ZNF717: variants seen among roughly 807,000 people sequenced by gnomAD.
ZNF717 encodes the protein zinc finger protein 717.
A neutral mutation model predicts 13.8 loss-of-function variants in ZNF717; 9 were observed. The observed-to-expected ratio is 0.65, with a 90% CI of 0.39 to 1.14. ZNF717 has a LOEUF of 1.14. Ranked by LOEUF, ZNF717 falls within the 50% of genes most tolerant of loss-of-function variation. The pLI, the probability that ZNF717 is intolerant of heterozygous loss-of-function variation, is 0.01. For synonymous variants in ZNF717, 327 were observed against 364.1 expected, an observed-to-expected ratio of 0.90 and a Z score of 1.16; for missense variants, 1,040 against 1,080.7, an observed-to-expected ratio of 0.96 and a Z score of 0.53.
chr3:75,782,130 T>A (rs58994993), intron 2 of ZNF717, among the ~76,000 whole-genome samples: 14,174 of 152,198 alleles, frequency 0.093, 1,130 homozygotes, highest in African/African-American at 0.2. Context: ...GTTTCAACTA[T>A]GGTAGAAGAC....
chr3:75,772,492 G>A (rs1012641868), intron 2 of ZNF717, among the ~76,000 whole-genome samples: 1 of 152,204 alleles, frequency 6.6e-6, no homozygotes, highest in African/African-American at 2.4e-5. Flanking sequence ...TGCAGTTCCT[G>A]CATCTCCAAG....
rs1372153221 is a variant in ZNF717 at position 75,739,340 on chromosome 3, G to A, written c.283C>T (p.Gln95Ter). 6.9e-7 allele frequency: 1 copy of A among 1,457,872 alleles called. No homozygotes were observed. 90.3% of individuals were successfully genotyped at this position (1,457,872 alleles called of 1,614,324 possible). Reference protein sequence around the residue: ...ETPNLRLSAVQIIDDLIERSH... With the variant: ...ETPNLRLSAV The stretch of plus-strand genomic sequence containing the variant: ...CTTTCAATAAGGTCATCAATGATCT[G>A]GACAGCTGAAATGAGAAAAAAGGTA... The change falls in exon 5 of 5, where the codon CAG (glutamine) becomes TAG (stop). Residue 95 changes from glutamine to a stop codon, truncating the protein, a stop_gained. Coordinates refer to ENST00000652011, the MANE Select transcript of ZNF717 (RefSeq NM_001290208.3). LOFTEE classifies it low-confidence loss of function (END_TRUNC).
intron 2 of ZNF717, among the ~76,000 whole-genome samples, chr3:75,745,217 T>C (rs1289993396): frequency 2.0e-5 from 3 of 151,438 alleles, no homozygotes; most frequent in Non-Finnish European, 4.4e-5. Context: ...TTAATTGACA[T>C]ATGACATTGC....
At chr3:75,700,546 A>G (rs571900164) in intron 6 of ZNF717, among the ~76,000 whole-genome samples, 4 of 152,426 alleles carry the variant, frequency 2.6e-5, no homozygotes, top group Admixed American at 2.6e-4. Flanking sequence ...TATACCACTA[A>G]GTTATGGTAA....
chr3:75,767,806 A>G (rs1353198002), intron 2 of ZNF717, among the ~76,000 whole-genome samples: 1 of 151,906 alleles, frequency 6.6e-6, no homozygotes, highest in Non-Finnish European at 1.5e-5. Context: ...CTAAAGAAGG[A>G]GGTTCAGTTT....
intron 6 of ZNF717, among the ~76,000 whole-genome samples, chr3:75,697,458 TC>T (rs1352950570): frequency 4.4e-4 from 66 of 151,272 alleles, no homozygotes; most frequent in Non-Finnish European, 6.7e-4. Context: ...GTAAGTGAGT[TC>T]CTATAAGATC....
chr3:75,758,997 G>A (rs1310286546), intron 2 of ZNF717, among the ~76,000 whole-genome samples: 1 of 152,196 alleles, frequency 6.6e-6, no homozygotes, highest in African/African-American at 2.4e-5. Flanking sequence ...AAAAAAGATT[G>A]CAGCTTGCTG....
chr3:75,745,720 G>C (rs1422963686), intron 2 of ZNF717, among the ~76,000 whole-genome samples: 4 of 151,570 alleles, frequency 2.6e-5, no homozygotes, highest in African/African-American at 9.7e-5. Flanking sequence ...TGATATATTT[G>C]TCTTTCTGCA....
intron 2 of ZNF717, among the ~76,000 whole-genome samples, chr3:75,766,754 AG>A (rs1218147254): frequency 2.6e-5 from 4 of 152,280 alleles, no homozygotes; most frequent in African/African-American, 7.2e-5. Flanking sequence ...TATTGAGAAA[AG>A]GTTCAAGCCT....
rs1436146927 is a variant in ZNF717 at position 75,738,696 on chromosome 3, T to G, written c.927A>C (p.Lys309Asn). 1 of 1,551,744 alleles carries G rather than the reference T, an allele frequency of 6.4e-7. No homozygotes were observed. Among genetic ancestry groups the G allele is most frequent in the South Asian group, 1.2e-5 (1 of 84,060 alleles). ...TTTCACACCAGTTACAGGCATAAGG[T>G]TTTTCCTCAGTAGGCATCTTGCACT... is the stretch of plus-strand genomic sequence containing the variant. The part of the protein sequence containing the change: ...MLQCKMPTEE[K>N]PYACNWCEKL... Residue 309 changes from lysine (K) to asparagine (N), a missense_variant, in exon 5 of 5, where the codon AAA (lysine) becomes AAC (asparagine). Lys to Asn is a moderately conservative substitution (Grantham distance 94). This residue lies in a region of ZNF717 where 873 missense variants were observed against 832.8 expected (regional missense o/e 1.05). Transcript: ENST00000652011.
At chr3:75,695,083 C>T (rs1319789984) in intron 6 of ZNF717, among the ~76,000 whole-genome samples, 16 of 152,174 alleles carry the variant, frequency 1.1e-4, no homozygotes, top group African/African-American at 3.6e-4. Context: ...CTGTGACCTA[C>T]AAAAAACATA....
At chr3:75,784,418 T>C (rs1945025449) in intron 1 of ZNF717, among the ~76,000 whole-genome samples, 1 of 152,212 alleles carries the variant, frequency 6.6e-6, no homozygotes, top group African/African-American at 2.4e-5. Context: ...AAGTCTTAAA[T>C]TACAAATCAA....
chr3:75,763,724 A>T (rs1226068737), intron 2 of ZNF717, among the ~76,000 whole-genome samples: 2 of 152,290 alleles, frequency 1.3e-5, no homozygotes, highest in East Asian at 3.8e-4. Context: ...GAGACATCAA[A>T]CTAAAATTAC....
At chr3:75,750,754 G>A (rs1310526294) in intron 2 of ZNF717, among the ~76,000 whole-genome samples, 1 of 150,638 alleles carries the variant, frequency 6.6e-6, no homozygotes. Flanking sequence ...CCCTCACATA[G>A]GATTCCAGAA....
intron 6 of ZNF717, among the ~76,000 whole-genome samples, chr3:75,702,716 C>A (rs112257511): frequency 6.6e-6 from 1 of 152,312 alleles, no homozygotes; most frequent in Non-Finnish European, 1.5e-5. Flanking sequence ...CAAAGTATGT[C>A]ATGTACCCCC....
exon 6 of ZNF717, chr3:75,709,665 G>A (rs1228170882): frequency 1.3e-5 from 2 of 152,148 alleles, no homozygotes; most frequent in African/African-American, 4.8e-5. Flanking sequence ...CACGGACTTT[G>A]TGCAAGGTTG....
At chr3:75,731,069 T>C (rs140203758), downstream of ZNF717, among the ~76,000 whole-genome samples, 88 of 140,986 alleles carry the variant, frequency 6.2e-4, no homozygotes, top group South Asian at 3.6e-3. Flanking sequence ...GGCAAAACCC[T>C]GTCTCTACTA....
At chr3:75,721,320 C>A (rs78485597) in intron 4 of ZNF717, among the ~76,000 whole-genome samples, 63,050 of 152,048 alleles carry the variant, frequency 0.41, 13,490 homozygotes, top group South Asian at 0.61. Flanking sequence ...CTTGCTCTGT[C>A]ACCCAGACTG....
At chr3:75,783,849 T>G (rs1291827119) in intron 1 of ZNF717, among the ~76,000 whole-genome samples, 2 of 152,236 alleles carry the variant, frequency 1.3e-5, no homozygotes, top group African/African-American at 4.8e-5. Context: ...CCCAGCAATT[T>G]TGGCCTACAA....
Sources: allele counts gnomAD v4.1 joint callset (sites outside exome capture counted in the v4.1 genomes callset), GRCh38; gene constraint gnomAD v4.1.1; regional missense constraint gnomAD v4.1.1; transcripts MANE v1.5; gene names NCBI Gene and HGNC (gene_info 2026-07-23, HGNC 2026-07-21).